Variants in DDR2 observed in about 807,000 individuals in gnomAD.
DDR2 encodes the protein discoidin domain receptor tyrosine kinase 2, also known as discoidin domain-containing receptor 2.
A neutral mutation model predicts 94.9 loss-of-function variants in DDR2; 27 were observed. The observed-to-expected ratio is 0.28, with a 90% confidence interval of 0.21 to 0.39. The LOEUF (loss-of-function observed/expected upper bound fraction) is 0.39, where lower values mean the gene tolerates loss of function less well. DDR2 is among the 10% of genes least tolerant of loss of function. DDR2 has a pLI of 1.00. For missense variants in DDR2, 783 were observed against 1,076.0 expected, an observed-to-expected ratio of 0.73 and a Z score of 3.81; for synonymous variants, 382 against 377.2, an observed-to-expected ratio of 1.01 and a Z score of -0.15.
At chr1:162,777,822 G>A (rs1647667357) in intron 16 of DDR2, 1 of 152,420 alleles carries the variant, frequency 6.6e-6, no homozygotes, top group Admixed American at 6.5e-5. Context: ...ATGACAATTG[G>A]GTGTCCTCAC....
chr1:162,699,848 T>C (rs1216624658), intron 2 of DDR2, among the ~76,000 whole-genome samples: 4 of 152,200 alleles, frequency 2.6e-5, no homozygotes, highest in Admixed American at 2.6e-4. Flanking sequence ...TTCTTAGACA[T>C]AAACACTGAG....
chr1:162,674,652 C>T (rs1659041478), intron 2 of DDR2, among the ~76,000 whole-genome samples: 1 of 152,130 alleles, frequency 6.6e-6, no homozygotes, highest in African/African-American at 2.4e-5. Flanking sequence ...TTTATTTTTA[C>T]CTGTTCTTTT....
At chr1:162,754,535 C>T in intron 4 of DDR2, 89 bp from the exon 5 acceptor site, 7 of 1,314,122 alleles carry the variant, frequency 5.3e-6, no homozygotes. Flanking sequence ...TCTCTCCCCT[C>T]AGTACAGGGC....
At position 162,663,265 on chromosome 1, in the gene DDR2, A is replaced by T. The variant is rs569916998; in HGVS notation, c.-28+7891A>T. Among the ~76,000 whole-genome samples the T allele has an allele frequency of 7.4e-4, 112 of 152,258 alleles. 1 individual carries two copies. The highest frequency in any genetic ancestry group is 2.6e-3 in the African/African-American group (109 of 41,560). On this transcript the variant is annotated intron_variant, in intron 2 of 17. Transcript: ENST00000367921. Reference sequence around the variant, plus strand: ...TGTTGAGTGTGACATCTGGCAGTCAAATATGCAGGGCTGACTCATTTCACT... The same window carrying T: ...TGTTGAGTGTGACATCTGGCAGTCATATATGCAGGGCTGACTCATTTCACT...
At chr1:162,761,186 A>G in intron 8 of DDR2, 25 bp from the exon 9 acceptor site, 3 of 1,613,606 alleles carry the variant, frequency 1.9e-6, no homozygotes, top group Non-Finnish European at 2.5e-6. Context: ...CCAACCTATC[A>G]CTCACATGCC....
chr1:162,690,633 A>G (rs1256416019), intron 2 of DDR2, among the ~76,000 whole-genome samples: 2 of 151,010 alleles, frequency 1.3e-5, no homozygotes, highest in African/African-American at 2.4e-5. Context: ...CTCATCCTTT[A>G]CAAAACCCAC....
At chr1:162,759,640 C>T (rs1171158261) in intron 7 of DDR2, among the ~76,000 whole-genome samples, 156 bp from the exon 8 acceptor site, 1 of 152,164 alleles carries the variant, frequency 6.6e-6, no homozygotes, top group Admixed American at 6.6e-5. Flanking sequence ...CGAGTCAATA[C>T]TATAATGCAA....
At chr1:162,731,644 G>A (rs1375898930) in intron 3 of DDR2, among the ~76,000 whole-genome samples, 3 of 152,140 alleles carry the variant, frequency 2.0e-5, no homozygotes, top group African/African-American at 7.2e-5. Flanking sequence ...CCTTTTAATT[G>A]TTTAAGGAAG....
intron 2 of DDR2, among the ~76,000 whole-genome samples, chr1:162,689,574 AT>A (rs66495803): frequency 0.6 from 88,139 of 147,290 alleles, 29,801 homozygotes; most frequent in Middle Eastern, 0.78. Flanking sequence ...GGTCTCACTT[AT>A]TTTTTTTTTT....
Position 162,775,839 on chromosome 1 carries a change from G to T in DDR2, c.2044G>T (p.Val682Phe), listed in dbSNP as rs1244437003. The T allele has an allele frequency of 1.2e-6, 2 of 1,613,936 alleles. No homozygotes were observed. The highest frequency in any genetic ancestry group is 1.3e-5 in the African/African-American group (1 of 75,034). The change falls in exon 15 of 18, where the codon GTC becomes TTC. Residue 682 changes from valine to phenylalanine, a missense_variant. Physicochemically the swap from Val to Phe is conservative, Grantham distance 50. This residue lies in a region of DDR2 where 264 missense variants were observed against 428.2 expected (regional missense o/e 0.62). Coordinates refer to ENST00000367921, the MANE Select transcript of DDR2 (RefSeq NM_006182.4). ...TTCTTCCTCCAGCGATGTACGCACT[G>T]TCAGGTAAACAAGCCAGGTCTTCCT... Reference protein sequence around the residue: ...PNSSSSDVRTVSYTNLKFMAT... With the variant: ...PNSSSSDVRTFSYTNLKFMAT...
chr1:162,747,477 C>T (rs182565591), intron 3 of DDR2, among the ~76,000 whole-genome samples: 4 of 152,002 alleles, frequency 2.6e-5, no homozygotes, highest in South Asian at 2.1e-4. Flanking sequence ...ATGAACAAAG[C>T]CTCCAAGAAA....
chr1:162,775,399 G>A (rs1647475522), intron 14 of DDR2, among the ~76,000 whole-genome samples: 1 of 152,200 alleles, frequency 6.6e-6, no homozygotes, highest in African/African-American at 2.4e-5. Context: ...TTTGTTAGAT[G>A]TGAGGGATAG....
chr1:162,665,579 T>G (rs1658511601), intron 2 of DDR2, among the ~76,000 whole-genome samples: 1 of 134,836 alleles, frequency 7.4e-6, no homozygotes, highest in African/African-American at 2.7e-5. Flanking sequence ...TTTTTTTTTT[T>G]GCCACTCATA....
intron 3 of DDR2, among the ~76,000 whole-genome samples, chr1:162,727,168 A>G (rs1661716369): frequency 1.4e-5 from 2 of 144,772 alleles, no homozygotes; most frequent in Non-Finnish European, 3.0e-5. Flanking sequence ...ATAAACATAT[A>G]TTTATATTTT....
At chr1:162,775,478 G>A (rs1189624899) in intron 14 of DDR2, among the ~76,000 whole-genome samples, 174 bp from the exon 15 acceptor site, 1 of 152,104 alleles carries the variant, frequency 6.6e-6, no homozygotes, top group African/African-American at 2.4e-5. Context: ...TGATATTTCA[G>A]GAGGAATAGA....
chr1:162,776,228 G>A lies in DDR2; in HGVS notation c.2141G>A (p.Arg714Gln), dbSNP rs2102198955. 4 of 1,613,812 alleles carry A rather than the reference G, an allele frequency of 2.5e-6. No individual in the cohort carries two copies. The highest frequency in any genetic ancestry group is 2.2e-5 in the East Asian group (1 of 44,874). ...TTTGTTCACCGAGATCTGGCCACAC[G>A]AAACTGTTTAGTGGGTAAGAACTAC... ...LNFVHRDLAT[R>Q]NCLVGKNYTI... Residue 714 changes from arginine (R) to glutamine (Q), a missense_variant, in exon 16 of 18, where the codon CGA (arginine) becomes CAA (glutamine). Arg to Gln is a conservative substitution (Grantham distance 43, BLOSUM62 1). This residue lies in a region of DDR2 where 264 missense variants were observed against 428.2 expected (regional missense o/e 0.62). Transcript: ENST00000367921.
chr1:162,762,863 G>C (rs1024113553), intron 9 of DDR2, among the ~76,000 whole-genome samples: 1 of 152,110 alleles, frequency 6.6e-6, no homozygotes, highest in African/African-American at 2.4e-5. Context: ...TTTAGACAGA[G>C]TCTCGCTCTG....
intron 3 of DDR2, among the ~76,000 whole-genome samples, chr1:162,731,309 C>A (rs1178807015): frequency 6.6e-6 from 1 of 152,112 alleles, no homozygotes; most frequent in African/African-American, 2.4e-5. Flanking sequence ...GGTATAGAAC[C>A]AAATGTAATA....
intron 2 of DDR2, among the ~76,000 whole-genome samples, chr1:162,707,957 A>C (rs1660733215): frequency 6.6e-6 from 1 of 152,186 alleles, no homozygotes; most frequent in South Asian, 2.1e-4. Context: ...ACTAGTTAGT[A>C]CCTGGCTGTT....
Sources: gnomAD v4.1 joint callset for allele counts (sites outside exome capture counted in the v4.1 genomes callset) on GRCh38, gnomAD v4.1.1 for gene constraint, gnomAD v4.1.1 regional missense constraint, MANE v1.5 for transcripts, NCBI Gene and HGNC (gene_info 2026-07-23, HGNC 2026-07-21) for gene names.